AXDND1: variants seen among roughly 807,000 people sequenced by gnomAD.
The protein encoded by AXDND1 is axonemal dynein light chain domain-containing protein 1.
In AXDND1, 110 loss-of-function variants were observed where a neutral mutation model predicts 137.5. That is an observed-to-expected ratio of 0.80 (90% CI 0.69 to 0.94). The LOEUF (loss-of-function observed/expected upper bound fraction) is 0.94, where lower values mean the gene tolerates loss of function less well. Ranked by LOEUF, AXDND1 falls within the 40% of genes least tolerant of loss-of-function variation. AXDND1 has a pLI of 0.00. For missense variants in AXDND1, 1,191 were observed against 1,169.8 expected (o/e 1.02, Z -0.26); for synonymous variants, 414 against 399.7 (o/e 1.04, Z -0.43).
chr1:179,394,111 T>C, intron 10 of AXDND1, 68 bp downstream of exon 10: 1 of 1,446,100 alleles, frequency 6.9e-7, no homozygotes, highest in Non-Finnish European at 9.2e-7. Flanking sequence ...GAGTAAAAAA[T>C]ATTTAGGGAA....
At chr1:179,402,243 T>C (rs892955666) in intron 11 of AXDND1, among the ~76,000 whole-genome samples, 11 of 152,030 alleles carry the variant, frequency 7.2e-5, no homozygotes, top group African/African-American at 2.4e-4. Context: ...TAACATGAGA[T>C]ACTTTATTCA....
chr1:179,488,699 C>CCT (rs1363164014), intron 18 of AXDND1, among the ~76,000 whole-genome samples: 1 of 99,320 alleles, frequency 1.0e-5, no homozygotes, highest in Non-Finnish European at 2.0e-5. Context: ...TTCTTTCTTT[C>CCT]CTCTCTCTGT....
intron 21 of AXDND1, among the ~76,000 whole-genome samples, chr1:179,512,544 G>A (rs541332621): frequency 1.1e-4 from 16 of 152,010 alleles, no homozygotes; most frequent in East Asian, 5.8e-4. Flanking sequence ...TTGGCTATGC[G>A]GGCTCTATTT....
intron 5 of AXDND1, 73 bp from the exon 6 acceptor site, chr1:179,379,324 T>C (rs1647813335): frequency 3.4e-6 from 5 of 1,476,358 alleles, no homozygotes; most frequent in African/African-American, 1.4e-5. Context: ...GGTTAGGAAT[T>C]AGGATTTGTG....
At chr1:179,383,966 C>A (rs1648800901) in intron 8 of AXDND1, among the ~76,000 whole-genome samples, 1 of 152,064 alleles carries the variant, frequency 6.6e-6, no homozygotes, top group Non-Finnish European at 1.5e-5. Context: ...CTCAAGTGAT[C>A]TGCCCACCTC....
Position 179,445,082 on chromosome 1 carries a change from T to C in AXDND1, c.1676T>C (p.Ile559Thr). 1 of 1,613,592 alleles carries C rather than the reference T, an allele frequency of 6.2e-7. No homozygotes were observed. Among genetic ancestry groups the C allele is most frequent in the Non-Finnish European group, 8.5e-7 (1 of 1,179,606 alleles). ...QENWADIGLG[I>T]FNRHKSLEGE... ...AACTGGGCAGATATTGGGCTTGGGA[T>C]ATTTAATCGGCATAAAAGTTTGGAG... The change falls in exon 16 of 26, where the codon ATA (isoleucine) becomes ACA (threonine). Residue 559 changes from isoleucine (I) to threonine (T), a missense_variant. Coordinates refer to ENST00000367618, the MANE Select transcript of AXDND1 (RefSeq NM_144696.6).
At position 179,456,669 on chromosome 1, in the gene AXDND1, C is replaced by T. The variant is rs535956282; in HGVS notation, c.1798+11465C>T. The T allele has an allele frequency of 1.0e-4, 86 of 820,064 alleles. No homozygotes were observed. In the Middle Eastern group the frequency reaches 1.4e-3, roughly 13 times the overall value. The allele number at this position is 820,064 out of a possible 1,614,324, so 50.8% of individuals were successfully genotyped here. A position where few individuals can be genotyped will look rare whatever the true frequency, so the allele number is the denominator to read the frequency against. ...ACAGCTGCCACCAAAGCCATCATGA[C>T]CACTGAAGTTTCCTCCGTGACCAAA... On this transcript the variant is annotated intron_variant, in intron 16 of 25. Transcript: ENST00000367618.
intron 5 of AXDND1, among the ~76,000 whole-genome samples, chr1:179,379,035 T>C (rs7413415): frequency 0.33 from 50,592 of 151,996 alleles, 8,922 homozygotes; most frequent in Middle Eastern, 0.45. Flanking sequence ...ATATTGTTTT[T>C]CCCTTAGAAA....
At chr1:179,403,650 T>C (rs1652459787) in intron 11 of AXDND1, among the ~76,000 whole-genome samples, 1 of 152,350 alleles carries the variant, frequency 6.6e-6, no homozygotes, top group East Asian at 1.9e-4. Context: ...CTTGGCTCAC[T>C]GCAGCCTCCG....
At chr1:179,471,892 CT>C (rs1372871984) in intron 17 of AXDND1, among the ~76,000 whole-genome samples, 3 of 150,584 alleles carry the variant, frequency 2.0e-5, no homozygotes, top group African/African-American at 4.9e-5. Flanking sequence ...TCTTCATTTT[CT>C]TTTTTTTTCT....
intron 18 of AXDND1, among the ~76,000 whole-genome samples, chr1:179,489,647 A>G (rs1666610367): frequency 6.6e-6 from 1 of 152,100 alleles, no homozygotes; most frequent in East Asian, 1.9e-4. Flanking sequence ...GGTGTCAAAT[A>G]CATTAATCAA....
At position 179,466,282 on chromosome 1, in the gene AXDND1, C is replaced by CT. The variant is rs1491121382; in HGVS notation, c.1799-2159dup. Among the ~76,000 whole-genome samples the CT allele has an allele frequency of 2.6e-3, 247 of 95,650 alleles. 4 individuals carry two copies. Among genetic ancestry groups the CT allele is most frequent in the East Asian group, 4.2e-3 (12 of 2,876 alleles). 62.8% of individuals were successfully genotyped at this position (95,650 alleles called of 152,430 possible). Reference sequence around the variant, plus strand: ...TTTCTTTTCTTTCTTTCTTCTTCTTCTTCTTTTTTTTTTTTTTTTTTGAGA... The same window carrying CT: ...TTTCTTTTCTTTCTTTCTTCTTCTTCTTTCTTTTTTTTTTTTTTTTTTGAGA... On this transcript the variant is annotated intron_variant, in intron 16 of 25. Coordinates refer to ENST00000367618, the MANE Select transcript of AXDND1 (RefSeq NM_144696.6).
At chr1:179,413,589 T>TAA (rs1419902180) in intron 12 of AXDND1, among the ~76,000 whole-genome samples, 1 of 152,256 alleles carries the variant, frequency 6.6e-6, no homozygotes, top group Non-Finnish European at 1.5e-5. Context: ...CATTCTCTTT[T>TAA]ATGGCTGCAT....
chr1:179,448,606 C>T (rs1027159210), intron 16 of AXDND1: 5 of 271,620 alleles, frequency 1.8e-5, no homozygotes, highest in African/African-American at 6.9e-5. Flanking sequence ...GGCACGCACA[C>T]GCTGCAGCCT....
intron 9 of AXDND1, among the ~76,000 whole-genome samples, chr1:179,389,218 C>T (rs1649737015): frequency 1.3e-5 from 2 of 152,058 alleles, no homozygotes; most frequent in Admixed American, 1.3e-4. Flanking sequence ...GGTGGTCTGC[C>T]CACTTCAGCC....
At chr1:179,538,915 G>C (rs12136502) in intron 25 of AXDND1, among the ~76,000 whole-genome samples, 707 of 151,720 alleles carry the variant, frequency 4.7e-3, no homozygotes, top group South Asian at 8.9e-3. Flanking sequence ...GTTAGCTCTT[G>C]TTGTTGCATT....
chr1:179,387,823 G>A (rs1432438103), intron 9 of AXDND1, among the ~76,000 whole-genome samples: 1 of 152,130 alleles, frequency 6.6e-6, no homozygotes, highest in African/African-American at 2.4e-5. Context: ...ACTTCTATGC[G>A]AGTTCTGGCA....
rs1224604298 is a variant in AXDND1 at position 179,387,304 on chromosome 1, T to C, written c.863+1945T>C. Reference sequence around the variant, plus strand: ...AGTGTACAAAGGTGCCATCATCTGGTGAGAACCTTCTTGTGGTAATCATAA... The same window carrying C: ...AGTGTACAAAGGTGCCATCATCTGGCGAGAACCTTCTTGTGGTAATCATAA... On this transcript the variant is annotated intron_variant, in intron 9 of 25. Transcript: ENST00000367618. Among the ~76,000 whole-genome samples the C allele has an allele frequency of 2.0e-5, 3 of 152,056 alleles. No individual in the cohort carries two copies. In the East Asian group the frequency reaches 5.8e-4, roughly 29 times the overall value.
At chr1:179,485,743 G>A (rs61826059) in intron 18 of AXDND1, among the ~76,000 whole-genome samples, 68,907 of 149,178 alleles carry the variant, frequency 0.46, 16,492 homozygotes, top group East Asian at 0.76. Context: ...GATCATCAAC[G>A]TACAAGAAAG....
Sources: gnomAD v4.1 joint callset for allele counts (sites outside exome capture counted in the v4.1 genomes callset) on GRCh38, gnomAD v4.1.1 for gene constraint, MANE v1.5 for transcripts, NCBI Gene and HGNC (gene_info 2026-07-23, HGNC 2026-07-21) for gene names.